Variants in ATG7 observed in about 807,000 individuals in gnomAD.
ATG7 encodes autophagy related 7.
ATG7 carries 70 observed loss-of-function variants against 82.4 expected under a neutral mutation model. The observed-to-expected ratio is 0.85, with a 90% confidence interval of 0.70 to 1.04. The LOEUF (loss-of-function observed/expected upper bound fraction) is 1.04, where lower values mean the gene tolerates loss of function less well. Ranked by LOEUF, ATG7 falls within the 50% of genes least tolerant of loss-of-function variation. ATG7 has a pLI of 0.00. For synonymous variants in ATG7, 287 were observed against 313.0 expected (o/e 0.92, Z 0.88); for missense variants, 792 against 864.3 (o/e 0.92, Z 1.05).
At chr3:11,558,433 C>A, downstream of ATG7, 3 of 1,401,596 alleles carry the variant, frequency 2.1e-6, no homozygotes, top group East Asian at 2.5e-5. Context: ...ATGGTTTTTG[C>A]AAATAAACCA....
chr3:11,283,799 G>C (rs1435389324), intron 3 of ATG7, among the ~76,000 whole-genome samples: 1 of 152,088 alleles, frequency 6.6e-6, no homozygotes, highest in African/African-American at 2.4e-5. Context: ...GGGCATGGTG[G>C]CGCATGCCTG....
At chr3:11,468,758 A>T (rs986441908) in intron 20 of ATG7, among the ~76,000 whole-genome samples, 2 of 152,198 alleles carry the variant, frequency 1.3e-5, no homozygotes, top group African/African-American at 4.8e-5. Flanking sequence ...CAGGGACTGT[A>T]CGCAAAATGT....
chr3:11,500,158 C>T (rs554089414), intron 20 of ATG7, among the ~76,000 whole-genome samples: 112 of 152,198 alleles, frequency 7.4e-4, no homozygotes, highest in African/African-American at 2.6e-3. Flanking sequence ...ATAGCAGCAA[C>T]GCGCAACATA....
intron 17 of ATG7, among the ~76,000 whole-genome samples, chr3:11,364,258 A>C (rs1367043581): frequency 1.3e-5 from 2 of 152,246 alleles, no homozygotes; most frequent in African/African-American, 4.8e-5. Context: ...CAGTACAGAA[A>C]TGTGCTGTGA....
intron 18 of ATG7, among the ~76,000 whole-genome samples, chr3:11,372,404 C>T (rs892261612): frequency 1.9e-4 from 28 of 150,902 alleles, no homozygotes; most frequent in African/African-American, 5.9e-4. Flanking sequence ...GTTTTCATTT[C>T]GTACTTTTCT....
At chr3:11,415,298 G>A (rs573248889) in intron 19 of ATG7, among the ~76,000 whole-genome samples, 25 of 152,162 alleles carry the variant, frequency 1.6e-4, no homozygotes, top group Non-Finnish European at 3.1e-4. Context: ...TGAGTCAGTA[G>A]TGAGTGACTG....
In ATG7 at chr3:11,372,445, C is replaced by CA. The variant is rs556223909; in HGVS notation, c.1876-7527_1876-7526insA. Among the ~76,000 whole-genome samples, 19 of 150,674 alleles carry CA rather than the reference C, an allele frequency of 1.3e-4. 1 individual carries two copies. The South Asian group carries it at 3.8e-3, about 30-fold the overall frequency. On this transcript the variant is annotated intron_variant, in intron 18 of 20. Coordinates refer to ENST00000693202, the MANE Select transcript of ATG7 (RefSeq NM_001349232.2). ...GTTTTGAAAAATTAAGATTATAAGCCTTTTTTAAAATCACCTTTTTCAAGA... is the reference window on the plus strand; with the variant it reads ...GTTTTGAAAAATTAAGATTATAAGCCATTTTTTAAAATCACCTTTTTCAAGA...
intron 20 of ATG7, among the ~76,000 whole-genome samples, chr3:11,498,989 A>G (rs1011382953): frequency 1.3e-5 from 2 of 152,216 alleles, no homozygotes; most frequent in South Asian, 4.1e-4. Flanking sequence ...TGGTGCTCCT[A>G]GAGTCTCAGG....
intron 20 of ATG7, among the ~76,000 whole-genome samples, chr3:11,512,241 C>T (rs1360413093): frequency 2.0e-5 from 3 of 152,224 alleles, no homozygotes; most frequent in Admixed American, 1.3e-4. Context: ...CCCCTCTCCC[C>T]TCCTTCGGCC....
intron 20 of ATG7, among the ~76,000 whole-genome samples, chr3:11,478,087 TA>T (rs1559707079): frequency 2.0e-5 from 3 of 152,206 alleles, no homozygotes; most frequent in African/African-American, 7.2e-5. Flanking sequence ...TCCCATGTAA[TA>T]CCTGTGGGTA....
intron 20 of ATG7, among the ~76,000 whole-genome samples, chr3:11,534,056 A>G (rs905022264): frequency 3.9e-5 from 6 of 152,236 alleles, no homozygotes; most frequent in Non-Finnish European, 1.5e-5. Context: ...GAAAAGTACT[A>G]GCCAGCAGAA....
At chr3:11,559,585 C>T (rs2072778177), downstream of ATG7, 3 of 1,337,976 alleles carry the variant, frequency 2.2e-6, 1 homozygote, top group South Asian at 3.3e-5. Flanking sequence ...CCTCCCACTT[C>T]AATACTGGAG....
At chr3:11,312,407 T>C (rs1333855488) in intron 7 of ATG7, among the ~76,000 whole-genome samples, 1 of 152,200 alleles carries the variant, frequency 6.6e-6, no homozygotes, top group African/African-American at 2.4e-5. Context: ...GTGGGAACAG[T>C]GTCAAAGACA....
chr3:11,537,903 C>T (rs531174754), intron 20 of ATG7, among the ~76,000 whole-genome samples: 4 of 152,232 alleles, frequency 2.6e-5, no homozygotes, highest in African/African-American at 9.6e-5. Flanking sequence ...AAATTGGGAG[C>T]GTCTTGCCCC....
At chr3:11,481,640 G>T (rs559600005) in intron 20 of ATG7, among the ~76,000 whole-genome samples, 1 of 152,160 alleles carries the variant, frequency 6.6e-6, no homozygotes, top group Non-Finnish European at 1.5e-5. Context: ...TCCTGGGTTG[G>T]GCCTTGGACT....
chr3:11,471,670 C>T (rs1179644011), intron 20 of ATG7, among the ~76,000 whole-genome samples: 2 of 146,608 alleles, frequency 1.4e-5, no homozygotes, highest in Non-Finnish European at 3.0e-5. Flanking sequence ...TCCCCAGTCT[C>T]GGTGTCTCAC....
chr3:11,340,688 C>G lies in ATG7; in HGVS notation c.933C>G (p.Gly311=). The G allele has an allele frequency of 6.2e-7, 1 of 1,613,806 alleles. No homozygotes were observed. Among genetic ancestry groups the G allele is most frequent in the Non-Finnish European group, 8.5e-7 (1 of 1,179,848 alleles). ...AVGWEKNQKG[G]MGPRMVNLSE... ...GATGGGAAAAGAACCAGAAAGGAGG[C>G]ATGGGACCAAGGATGGTGAACCTCA... is the stretch of plus-strand genomic sequence containing the variant. Residue 311 remains glycine, a synonymous_variant, in exon 12 of 21, where the codon GGC becomes GGG. Transcript: ENST00000693202.
At chr3:11,285,436 G>A (rs745931762) in intron 3 of ATG7, among the ~76,000 whole-genome samples, 1 of 151,986 alleles carries the variant, frequency 6.6e-6, no homozygotes, top group Non-Finnish European at 1.5e-5. Context: ...GCCTCCCAAA[G>A]TGTGGGGATT....
chr3:11,497,585 G>A (rs1575053429), intron 20 of ATG7, among the ~76,000 whole-genome samples: 6 of 145,546 alleles, frequency 4.1e-5, no homozygotes, highest in Admixed American at 2.8e-4. Flanking sequence ...CTGATTTTCC[G>A]TAGTCTTTAC....
Sources: allele counts gnomAD v4.1 joint callset (sites outside exome capture counted in the v4.1 genomes callset), GRCh38; gene constraint gnomAD v4.1.1; transcripts MANE v1.5; gene names NCBI Gene and HGNC (gene_info 2026-07-23, HGNC 2026-07-21).